EAF1: variants seen among roughly 807,000 people sequenced by gnomAD.
EAF1 encodes ELL associated factor 1.
In EAF1, 19 loss-of-function variants were observed where a neutral mutation model predicts 26.6. The ratio of observed to expected loss-of-function variants is 0.71; its 90% CI spans 0.50 to 1.05. The LOEUF is 1.05. Among genes scored for constraint, EAF1 ranks in the 50% least tolerant of loss-of-function variants. The pLI is 0.00. For synonymous variants in EAF1, 102 were observed against 120.6 expected (o/e 0.85, Z 1.01); for missense variants, 260 against 335.5 (o/e 0.78, Z 1.76).
intron 5 of EAF1, among the ~76,000 whole-genome samples, chr3:15,437,960 G>A (rs1321561322): frequency 1.3e-5 from 2 of 152,014 alleles, no homozygotes; most frequent in African/African-American, 2.4e-5. Flanking sequence ...CCAGCCCCAT[G>A]ACAACCAAAA....
At position 15,434,504 on chromosome 3, in the gene EAF1, C is replaced by T. The variant is rs1563415; in HGVS notation, c.492C>T (p.Pro164=). The T allele has an allele frequency of 1.2e-5, 19 of 1,614,078 alleles. No individual in the cohort carries two copies. In the African/African-American group the frequency reaches 2.5e-4, roughly 22 times the overall value. Residue 164 remains proline (P), a synonymous_variant, in exon 4 of 6, where the codon CCC becomes CCT. Transcript: ENST00000396842. The part of the protein sequence containing the change: ...GPKTSPLKDN[P]SPEPQLDDIK... ...AAACTTCTCCCTTGAAAGATAACCC[C>T]TCACCTGAACCTCAGTTGGATGACA...
rs747350810 is a variant in EAF1 at position 15,434,382 on chromosome 3, G to C, written c.370G>C (p.Glu124Gln). The change falls in exon 4 of 6, where the codon GAA (glutamate) becomes CAA (glutamine). Residue 124 changes from glutamate (E) to glutamine (Q), a missense_variant. Coordinates refer to ENST00000396842, the MANE Select transcript of EAF1 (RefSeq NM_033083.7). ...CAGCAGTAAAATCCAGGCCCGAATG[G>C]AACAGCAGCCCACTCGTCCTCCACA... ...EGSSKIQARM[E>Q]QQPTRPPQTS... 1 of 1,614,116 alleles carries C rather than the reference G, an allele frequency of 6.2e-7. No individual in the cohort carries two copies. Among genetic ancestry groups the C allele is most frequent in the Non-Finnish European group, 8.5e-7 (1 of 1,180,016 alleles).
At chr3:15,439,004 A>T in intron 5 of EAF1, 105 bp from the exon 6 acceptor site, 2 of 1,023,384 alleles carry the variant, frequency 2.0e-6, no homozygotes, top group Non-Finnish European at 1.4e-6. Flanking sequence ...GTTTTACTGT[A>T]GTGTGATAGC....
intron 3 of EAF1, among the ~76,000 whole-genome samples, chr3:15,432,714 G>C (rs2061809551): frequency 6.6e-6 from 1 of 151,926 alleles, no homozygotes; most frequent in African/African-American, 2.4e-5. Flanking sequence ...AAGCCAGTTA[G>C]AGTTTATTTG....
chr3:15,432,021 T>C, intron 2 of EAF1, 66 bp from the exon 3 acceptor site: 1 of 1,526,820 alleles, frequency 6.5e-7, no homozygotes, highest in Non-Finnish European at 8.9e-7. Context: ...GAGTCATCTA[T>C]AAATTCAGTT....
In EAF1 at chr3:15,439,358, C is replaced by A; in HGVS notation, c.*203C>A. Reference sequence around the variant, plus strand: ...TCGTGTCATTTTTGAACAATCTCATCTTTCAAAGTTTAAGTAGACCTGTAG... The same window carrying A: ...TCGTGTCATTTTTGAACAATCTCATATTTCAAAGTTTAAGTAGACCTGTAG... On this transcript the variant is annotated 3_prime_UTR_variant, in exon 6 of 6. Transcript: ENST00000396842. The A allele has an allele frequency of 2.1e-6, 1 of 475,384 alleles. No homozygotes were observed. Among genetic ancestry groups the A allele is most frequent in the Non-Finnish European group, 3.7e-6 (1 of 268,172 alleles). The allele number at this position is 475,384 out of a possible 1,614,324, so 29.4% of individuals were successfully genotyped here.
At chr3:15,430,443 G>C (rs1217644229) in intron 2 of EAF1, among the ~76,000 whole-genome samples, 1 of 141,360 alleles carries the variant, frequency 7.1e-6, no homozygotes, top group African/African-American at 2.8e-5. Flanking sequence ...CTGGGCGACA[G>C]AGTGAGACTC....
intron 2 of EAF1, among the ~76,000 whole-genome samples, chr3:15,430,329 A>G (rs1196368469): frequency 6.6e-6 from 1 of 151,892 alleles, no homozygotes; most frequent in African/African-American, 2.4e-5. Flanking sequence ...GGGTGATGGC[A>G]CATGTCTGTG....
chr3:15,440,737 C>T lies in EAF1; in HGVS notation c.*1582C>T, dbSNP rs949267272. 3.3e-5 allele frequency: 5 copies of T among 152,652 alleles called. No homozygotes were observed. The highest frequency in any genetic ancestry group is 1.2e-4 in the African/African-American group (5 of 41,438). 9.5% of individuals were successfully genotyped at this position (152,652 alleles called of 1,614,324 possible). A position where few individuals can be genotyped will look rare whatever the true frequency, so the allele number is the denominator to read the frequency against. Reference sequence around the variant, plus strand: ...CCCTAGTGTAGGTAATAGGTCTACGCTAGGACCCCGTGCTGGGCTCTCAGC... The same window carrying T: ...CCCTAGTGTAGGTAATAGGTCTACGTTAGGACCCCGTGCTGGGCTCTCAGC... On this transcript the variant is annotated 3_prime_UTR_variant, in exon 6 of 6. Transcript: ENST00000396842.
In EAF1 at chr3:15,442,610, C is replaced by T. The variant is rs1193222518; in HGVS notation, c.*3455C>T. On this transcript the variant is annotated 3_prime_UTR_variant, in exon 6 of 6. Transcript: ENST00000396842. ...TTTAAATAAAAGTGAAGGTCAGCAA[C>T]ACATTTCTTGTCTTGGTGGGTTTCA... is the stretch of plus-strand genomic sequence containing the variant. 8 of 152,458 alleles carry T rather than the reference C, an allele frequency of 5.2e-5. No individual in the cohort carries two copies. The highest frequency in any genetic ancestry group is 1.2e-4 in the Non-Finnish European group (8 of 68,000). The allele number at this position is 152,458 out of a possible 1,614,324, so 9.4% of individuals were successfully genotyped here. A position where few individuals can be genotyped will look rare whatever the true frequency, so the allele number is the denominator to read the frequency against.
chr3:15,428,622 C>T (rs1476783365), intron 1 of EAF1, among the ~76,000 whole-genome samples: 1 of 152,146 alleles, frequency 6.6e-6, no homozygotes, highest in Admixed American at 6.5e-5. Context: ...AGAGAGCAGG[C>T]GTAAGGAATG....
In EAF1 at chr3:15,434,092, A is replaced by G. The variant is rs139295813; in HGVS notation, c.336-256A>G. Among the ~76,000 whole-genome samples the G allele has an allele frequency of 4.6e-3, 697 of 152,340 alleles. 5 individuals carry two copies. The highest frequency in any genetic ancestry group is 0.016 in the African/African-American group (655 of 41,562). ...TCATTATATCCTACATTTGTTTGCTATACATTTGAGCTCATCGAGGGCAGT... is the reference window on the plus strand; with the variant it reads ...TCATTATATCCTACATTTGTTTGCTGTACATTTGAGCTCATCGAGGGCAGT... On this transcript the variant is annotated intron_variant, in intron 3 of 5. Coordinates refer to ENST00000396842, the MANE Select transcript of EAF1 (RefSeq NM_033083.7).
intron 4 of EAF1, among the ~76,000 whole-genome samples, 179 bp downstream of exon 4, chr3:15,434,717 A>G (rs1041702273): frequency 6.6e-6 from 1 of 152,162 alleles, no homozygotes; most frequent in African/African-American, 2.4e-5. Context: ...CACTTACCTC[A>G]TTTGACAAGG....
Position 15,439,722 on chromosome 3 carries a change from T to G in EAF1, c.*567T>G, listed in dbSNP as rs1229073410. 6.6e-6 allele frequency: 1 copy of G among 152,282 alleles called. No homozygotes were observed. The highest frequency in any genetic ancestry group is 2.4e-5 in the African/African-American group (1 of 41,460). 9.4% of individuals were successfully genotyped at this position (152,282 alleles called of 1,614,324 possible). On this transcript the variant is annotated 3_prime_UTR_variant, in exon 6 of 6. Transcript: ENST00000396842. ...ACAGAATGGAGTCCTTGAGTGTCAG[T>G]TGGTGAGGACCATGGAGTCCTGCCA...
Position 15,436,420 on chromosome 3 carries a change from C to T in EAF1, c.605C>T (p.Ser202Leu), listed in dbSNP as rs767094068. 4.3e-6 allele frequency: 7 copies of T among 1,613,918 alleles called. No homozygotes were observed. The highest frequency in any genetic ancestry group is 3.3e-5 in the South Asian group (3 of 91,076). The change falls in exon 5 of 6, where the codon TCG (serine) becomes TTG (leucine). Residue 202 changes from serine to leucine, a missense_variant. Transcript: ENST00000396842. ...GSSSSDSESSSGSDDDSSSSG... is the reference protein window; with the variant it reads ...GSSSSDSESSLGSDDDSSSSG... ...AGCTCTTCAGACTCTGAGAGCTCTT[C>T]GGGAAGTGATGACGATAGCTCCAGC...
Position 15,436,580 on chromosome 3 carries a change from G to A in EAF1, c.760+5G>A, listed in dbSNP as rs747229897. 2.5e-6 allele frequency: 4 copies of A among 1,572,538 alleles called. No individual in the cohort carries two copies. The highest frequency in any genetic ancestry group is 3.5e-6 in the Non-Finnish European group (4 of 1,148,302). On this transcript the variant is annotated splice_donor_5th_base_variant and intron_variant, in intron 5 of 5. Coordinates refer to ENST00000396842, the MANE Select transcript of EAF1 (RefSeq NM_033083.7). ...ACCAGCTCATGAACACCCTCAGTAA[G>A]TGTGTACTCCTTTTTATGGCTGAGA...
Position 15,427,683 on chromosome 3 carries a change from GCCCGGAAGCACAGTCCT to G in EAF1, c.-93_-77del, listed in dbSNP as rs2061760620. 2.3e-5 allele frequency: 29 copies of G among 1,288,800 alleles called. 1 individual carries two copies. In the East Asian group the frequency reaches 7.2e-4, roughly 32 times the overall value. 79.8% of individuals were successfully genotyped at this position (1,288,800 alleles called of 1,614,324 possible). A position where few individuals can be genotyped will look rare whatever the true frequency, so the allele number is the denominator to read the frequency against. On this transcript the variant is annotated 5_prime_UTR_variant, in exon 1 of 6. Transcript: ENST00000396842. ...GCTCTCCTTGTCTTCCAGAGCGGTG[GCCCGGAAGCACAGTCCT>G]CCCAGACGCCAGCGCCAGAAGCTCG...
intron 5 of EAF1, 22 bp from the exon 6 acceptor site, chr3:15,439,087 C>CT: frequency 6.3e-7 from 1 of 1,587,930 alleles, no homozygotes; most frequent in Non-Finnish European, 8.6e-7. Context: ...TATGATTTTA[C>CT]TTTATTTTTT....
At position 15,430,006 on chromosome 3, in the gene EAF1, C is replaced by T; in HGVS notation, c.197C>T (p.Pro66Leu). The change falls in exon 2 of 6, where the codon CCT (proline) becomes CTT (leucine). Residue 66 changes from proline (P) to leucine (L), a missense_variant and splice_region_variant. Pro to Leu is a moderately conservative substitution (Grantham distance 98, BLOSUM62 -3). Transcript: ENST00000396842. Reference protein sequence around the residue: ...DEVTITLPHIPGSTPPMTVFK... With the variant: ...DEVTITLPHILGSTPPMTVFK... The stretch of plus-strand genomic sequence containing the variant: ...GTCACAATTACACTGCCACATATCC[C>T]TGTGAGTTTATTTCATTTTTTTTTT... The T allele has an allele frequency of 6.3e-7, 1 of 1,580,078 alleles. No individual in the cohort carries two copies. The highest frequency in any genetic ancestry group is 8.6e-7 in the Non-Finnish European group (1 of 1,162,080).
Sources: allele counts gnomAD v4.1 joint callset (sites outside exome capture counted in the v4.1 genomes callset), GRCh38; gene constraint gnomAD v4.1.1; transcripts MANE v1.5; gene names NCBI Gene and HGNC (gene_info 2026-07-23, HGNC 2026-07-21).